EVI5: variants seen among roughly 807,000 people sequenced by gnomAD.
The protein encoded by EVI5 is ecotropic viral integration site 5.
A neutral mutation model predicts 112.0 loss-of-function variants in EVI5; 73 were observed. The observed-to-expected ratio is 0.65, with a 90% confidence interval of 0.54 to 0.79. EVI5 has a LOEUF of 0.79. Ranked by LOEUF, EVI5 falls within the 30% of genes least tolerant of loss-of-function variation. The pLI is 0.00. For synonymous variants in EVI5, 305 were observed against 319.9 expected, an observed-to-expected ratio of 0.95 and a Z score of 0.50; for missense variants, 900 against 968.8, an observed-to-expected ratio of 0.93 and a Z score of 0.94.
At chr1:92,565,013 T>C (rs770897472) in intron 18 of EVI5, among the ~76,000 whole-genome samples, 8 of 152,210 alleles carry the variant, frequency 5.3e-5, no homozygotes, top group Admixed American at 3.9e-4. Flanking sequence ...GAAACTAGAA[T>C]TGTTTTTGAT....
At chr1:92,604,914 G>A (rs1294254166) in intron 18 of EVI5, among the ~76,000 whole-genome samples, 4 of 152,142 alleles carry the variant, frequency 2.6e-5, no homozygotes, top group Non-Finnish European at 5.9e-5. Flanking sequence ...TGACTGTATT[G>A]TATGATCCCA....
intron 13 of EVI5, among the ~76,000 whole-genome samples, chr1:92,659,231 A>G (rs368328528): frequency 1.3e-5 from 2 of 152,188 alleles, no homozygotes; most frequent in African/African-American, 2.4e-5. Context: ...CAAATGCAAC[A>G]AAAACAAAAA....
chr1:92,716,304 T>C (rs1411223153), intron 2 of EVI5, among the ~76,000 whole-genome samples: 1 of 152,212 alleles, frequency 6.6e-6, no homozygotes, highest in Non-Finnish European at 1.5e-5. Context: ...CTGCAGCCTC[T>C]GCTGGTGATA....
chr1:92,574,383 A>G (rs1238210298), intron 18 of EVI5, among the ~76,000 whole-genome samples: 1 of 152,214 alleles, frequency 6.6e-6, no homozygotes, highest in Non-Finnish European at 1.5e-5. Flanking sequence ...GCTGCACTAC[A>G]ACATACCACT....
intron 15 of EVI5, 38 bp downstream of exon 15, chr1:92,625,756 C>T (rs1655531783): frequency 6.3e-7 from 1 of 1,591,892 alleles, no homozygotes; most frequent in African/African-American, 1.3e-5. Context: ...TTCGGTTTTA[C>T]TCTCTTTTAA....
At chr1:92,744,462 T>C (rs1323570255) in intron 1 of EVI5, among the ~76,000 whole-genome samples, 2 of 152,314 alleles carry the variant, frequency 1.3e-5, no homozygotes, top group East Asian at 3.9e-4. Context: ...GGTTTTTGCC[T>C]CACAGACTAT....
intron 13 of EVI5, among the ~76,000 whole-genome samples, chr1:92,642,692 T>C (rs529876008): frequency 2.0e-5 from 3 of 152,252 alleles, no homozygotes; most frequent in Non-Finnish European, 4.4e-5. Flanking sequence ...GATGGGTTTA[T>C]ATTCTTCATA....
intron 2 of EVI5, among the ~76,000 whole-genome samples, chr1:92,730,742 T>TA (rs1676335042): frequency 8.0e-6 from 1 of 125,598 alleles, no homozygotes; most frequent in Non-Finnish European, 1.7e-5. Context: ...ATCCAAAAAA[T>TA]ACAGTTAACA....
intron 13 of EVI5, among the ~76,000 whole-genome samples, chr1:92,654,905 T>C (rs1662748265): frequency 6.6e-6 from 1 of 152,138 alleles, no homozygotes; most frequent in Non-Finnish European, 1.5e-5. Context: ...GTCTATTGAA[T>C]TAGTCCAGTC....
intron 1 of EVI5, among the ~76,000 whole-genome samples, chr1:92,737,450 C>T (rs994916811): frequency 3.9e-5 from 6 of 152,176 alleles, no homozygotes; most frequent in Admixed American, 3.9e-4. Context: ...AGATTCCTCT[C>T]TTTTCTAAGA....
At chr1:92,556,411 A>G (rs1265509610) in intron 19 of EVI5, among the ~76,000 whole-genome samples, 1 of 152,232 alleles carries the variant, frequency 6.6e-6, no homozygotes, top group Non-Finnish European at 1.5e-5. Flanking sequence ...ATAAGAGGAC[A>G]TATAGTAAGT....
chr1:92,694,874 T>C (rs1006068880), intron 7 of EVI5, among the ~76,000 whole-genome samples: 15 of 152,234 alleles, frequency 9.9e-5, no homozygotes, highest in East Asian at 1.9e-4. Context: ...AATGTGTTCA[T>C]AGAAGAAACA....
chr1:92,608,074 C>T (rs185321242), intron 16 of EVI5, among the ~76,000 whole-genome samples: 1 of 151,708 alleles, frequency 6.6e-6, no homozygotes, highest in African/African-American at 2.4e-5. Context: ...TGGCGTGAAC[C>T]CAGGAGGTGG....
At chr1:92,724,090 T>C (rs879879260) in intron 2 of EVI5, among the ~76,000 whole-genome samples, 1 of 152,154 alleles carries the variant, frequency 6.6e-6, no homozygotes, top group Non-Finnish European at 1.5e-5. Flanking sequence ...GTAATTCTAA[T>C]TTTGCCTTGC....
intron 18 of EVI5, among the ~76,000 whole-genome samples, chr1:92,596,417 T>A (rs1368650052): frequency 6.6e-6 from 1 of 152,110 alleles, no homozygotes; most frequent in Non-Finnish European, 1.5e-5. Context: ...CTCCTATGAT[T>A]TTTGTGAGGA....
intron 16 of EVI5, among the ~76,000 whole-genome samples, chr1:92,611,467 G>A (rs960509793): frequency 3.0e-4 from 45 of 151,558 alleles, no homozygotes; most frequent in African/African-American, 9.9e-4. Flanking sequence ...GGGAGGCCAA[G>A]GCAGGCGGAT....
At chr1:92,775,210 T>C (rs1204718213) in intron 1 of EVI5, among the ~76,000 whole-genome samples, 1 of 151,788 alleles carries the variant, frequency 6.6e-6, no homozygotes, top group Non-Finnish European at 1.5e-5. Context: ...GGTGGATCAT[T>C]TGAGGTCAGG....
intron 13 of EVI5, among the ~76,000 whole-genome samples, chr1:92,639,941 A>G (rs1190837184): frequency 6.6e-6 from 1 of 152,196 alleles, no homozygotes; most frequent in Non-Finnish European, 1.5e-5. Flanking sequence ...GGAACAAAAC[A>G]GAGACCTGAG....
rs772541064 is a variant in EVI5, at chr1:92,662,852, C to G, written c.1259G>C (p.Arg420Thr). ...GTAGTTTTCCTCAGCCTCCTGGGCT[C>G]TTGTCACTTGTCCCTTAGGACATAA... ...ADRLIQGQVT[R>T]AQEAEENYLI... The change falls in exon 13 of 20, where the codon AGA (arginine) becomes ACA (threonine). Residue 420 changes from arginine (R) to threonine (T), a missense_variant. Arg to Thr is a moderately conservative substitution (Grantham distance 71). Coordinates refer to ENST00000684568, the MANE Select transcript of EVI5 (RefSeq NM_001350197.2). 9 of 1,285,396 alleles carry G rather than the reference C, an allele frequency of 7.0e-6. No homozygotes were observed. In the South Asian group the frequency reaches 1.1e-4, roughly 16 times the overall value. 79.6% of individuals were successfully genotyped at this position (1,285,396 alleles called of 1,614,324 possible). A position where few individuals can be genotyped will look rare whatever the true frequency, so the allele number is the denominator to read the frequency against.
Sources: gnomAD v4.1 joint callset for allele counts (sites outside exome capture counted in the v4.1 genomes callset) on GRCh38, gnomAD v4.1.1 for gene constraint, MANE v1.5 for transcripts, NCBI Gene and HGNC (gene_info 2026-07-23, HGNC 2026-07-21) for gene names.